IL1RAPL1: variants seen among roughly 807,000 people sequenced by gnomAD.
IL1RAPL1 encodes the protein interleukin 1 receptor accessory protein like 1.
Under a neutral mutation model 48.4 loss-of-function variants are expected in IL1RAPL1, and 3 were observed. That is an observed-to-expected ratio of 0.06 (90% CI 0.03 to 0.16). The LOEUF (loss-of-function observed/expected upper bound fraction) is 0.16. IL1RAPL1 is among the 10% of genes least tolerant of loss of function. IL1RAPL1 has a pLI of 1.00. For missense variants in IL1RAPL1, 349 were observed against 530.6 expected (o/e 0.66, Z 3.36); for synonymous variants, 185 against 187.7 (o/e 0.99, Z 0.12).
At chrX:29,661,596 T>A (rs1237969388) in intron 5 of IL1RAPL1, among the ~76,000 whole-genome samples, 3 of 112,106 alleles carry the variant, frequency 2.7e-5, no homozygotes, top group Non-Finnish European at 5.6e-5. Context: ...TAAATCAACA[T>A]TGAATAGTAA....
intron 6 of IL1RAPL1, among the ~76,000 whole-genome samples, chrX:29,746,295 A>G (rs1928334054): frequency 8.9e-6 from 1 of 112,295 alleles, no homozygotes; most frequent in Admixed American, 9.5e-5. Flanking sequence ...TTGAATTATT[A>G]ATACATTAGC....
intron 2 of IL1RAPL1, among the ~76,000 whole-genome samples, chrX:28,865,555 G>T (rs904770271): frequency 8.9e-6 from 1 of 112,059 alleles, no homozygotes; most frequent in Non-Finnish European, 1.9e-5. Flanking sequence ...AGAGTTCATG[G>T]AAGAGATCTG....
At chrX:29,464,275 C>A (rs1454870721) in intron 5 of IL1RAPL1, among the ~76,000 whole-genome samples, 1 of 111,597 alleles carries the variant, frequency 9.0e-6, no homozygotes, top group African/African-American at 3.3e-5. Context: ...CAGTCCTTGC[C>A]TTAGAAGAAT....
At chrX:29,786,265 G>A (rs1929496059) in intron 6 of IL1RAPL1, among the ~76,000 whole-genome samples, 1 of 111,438 alleles carries the variant, frequency 9.0e-6, no homozygotes, top group Non-Finnish European at 1.9e-5. Context: ...ACAATGTCAA[G>A]TAAACATGAT....
intron 2 of IL1RAPL1, among the ~76,000 whole-genome samples, chrX:28,879,194 C>A: frequency 9.0e-6 from 1 of 111,315 alleles, no homozygotes; most frequent in Admixed American, 9.6e-5. Context: ...ACCATGAAAT[C>A]TAAAAATCAG....
chrX:29,589,751 A>G (rs1317475696), intron 5 of IL1RAPL1, among the ~76,000 whole-genome samples: 1 of 111,490 alleles, frequency 9.0e-6, no homozygotes, highest in Non-Finnish European at 1.9e-5. Flanking sequence ...ACTTTCAATA[A>G]ATTGGAGGAA....
chrX:28,974,023 T>TTAGTGAG (rs1390030273), intron 2 of IL1RAPL1, among the ~76,000 whole-genome samples: 1 of 111,970 alleles, frequency 8.9e-6, no homozygotes, highest in African/African-American at 3.2e-5. Context: ...AGTTGTGCTA[T>TTAGTGAG]TAGTGAGTTT....
intron 3 of IL1RAPL1, among the ~76,000 whole-genome samples, chrX:29,393,156 C>T (rs775605117): frequency 1.4e-3 from 101 of 73,170 alleles, no homozygotes; most frequent in Middle Eastern, 8.6e-3. Flanking sequence ...GATGGAGTCT[C>T]GCTCTGTCGC....
At chrX:28,987,653 G>A (rs774022497) in intron 2 of IL1RAPL1, among the ~76,000 whole-genome samples, 6 of 111,412 alleles carry the variant, frequency 5.4e-5, no homozygotes, top group Admixed American at 1.9e-4. Context: ...TATCCTCATT[G>A]GCGACCTACC....
At chrX:29,353,556 C>A (rs1352860964) in intron 3 of IL1RAPL1, among the ~76,000 whole-genome samples, 1 of 111,345 alleles carries the variant, frequency 9.0e-6, no homozygotes, top group Non-Finnish European at 1.9e-5. Flanking sequence ...TCTCATCAAA[C>A]TAATACTTAG....
chrX:29,868,456 A>G (rs998279744), intron 6 of IL1RAPL1, among the ~76,000 whole-genome samples: 1 of 112,072 alleles, frequency 8.9e-6, no homozygotes, highest in Non-Finnish European at 1.9e-5. Context: ...ATTCCTATGG[A>G]TGGATGGACT....
intron 1 of IL1RAPL1, among the ~76,000 whole-genome samples, chrX:28,645,866 G>C (rs1014313706): frequency 5.4e-5 from 6 of 111,953 alleles, no homozygotes; most frequent in African/African-American, 1.9e-4. Context: ...ACCAATGTTT[G>C]TAAGGTGCAT....
intron 5 of IL1RAPL1, among the ~76,000 whole-genome samples, chrX:29,485,255 A>G (rs1179261478): frequency 1.8e-5 from 2 of 112,301 alleles, no homozygotes; most frequent in Non-Finnish European, 3.8e-5. Flanking sequence ...TCCTTTGCCT[A>G]TAGTTTTATT....
At chrX:29,057,353 G>A (rs1347190794) in intron 2 of IL1RAPL1, among the ~76,000 whole-genome samples, 1 of 111,485 alleles carries the variant, frequency 9.0e-6, no homozygotes, top group Non-Finnish European at 1.9e-5. Flanking sequence ...TAATGAAGTG[G>A]TTAACCCAGA....
intron 6 of IL1RAPL1, among the ~76,000 whole-genome samples, chrX:29,820,910 T>C (rs1315098550): frequency 8.9e-6 from 1 of 112,211 alleles, no homozygotes; most frequent in African/African-American, 3.2e-5. Context: ...TTGAATTCTT[T>C]GTCTTGGGTA....
chrX:29,513,266 A>AC (rs1935412080), intron 5 of IL1RAPL1, among the ~76,000 whole-genome samples: 1 of 111,996 alleles, frequency 8.9e-6, no homozygotes, highest in Non-Finnish European at 1.9e-5. Flanking sequence ...TGTTATTAGC[A>AC]TCTATAGAGT....
intron 5 of IL1RAPL1, among the ~76,000 whole-genome samples, chrX:29,562,374 A>G (rs1382251673): frequency 9.0e-6 from 1 of 110,886 alleles, no homozygotes; most frequent in Non-Finnish European, 1.9e-5. Context: ...CATAGAGGGT[A>G]CTCTGGCATT....
At chrX:29,027,034 A>G (rs764256874) in intron 2 of IL1RAPL1, among the ~76,000 whole-genome samples, 7 of 112,063 alleles carry the variant, frequency 6.2e-5, no homozygotes, top group African/African-American at 1.9e-4. Context: ...ACCTACATCA[A>G]TACATCATTA....
intron 2 of IL1RAPL1, among the ~76,000 whole-genome samples, chrX:29,080,968 CTTTCTTTCTTTCTTTCTTTCTT>C (rs1569232718): frequency 1.9e-4 from 8 of 42,541 alleles, no homozygotes; most frequent in Middle Eastern, 7.9e-3. Context: ...TTCTTTCTTT[CTTTCTTTCTTTCTTTCTTTCTT>C]TCTTTCTCTC....
Sources: allele counts gnomAD v4.1 joint callset (sites outside exome capture counted in the v4.1 genomes callset), GRCh38; gene constraint gnomAD v4.1.1; transcripts MANE v1.5; gene names NCBI Gene and HGNC (gene_info 2026-07-23, HGNC 2026-07-21).